Variants in UBR3 observed in about 807,000 individuals in gnomAD.
The protein encoded by UBR3 is E3 ubiquitin-protein ligase UBR3.
In UBR3, 85 loss-of-function variants were observed where a neutral mutation model predicts 243.2. The ratio of observed to expected loss-of-function variants is 0.35; its 90% CI spans 0.29 to 0.42. UBR3 has a LOEUF of 0.42. Among genes scored for constraint, UBR3 ranks in the 10% least tolerant of loss-of-function variants. The pLI is 1.00. For missense variants in UBR3, 1,686 were observed against 2,300.8 expected (o/e 0.73, Z 5.47); for synonymous variants, 748 against 799.8 (o/e 0.94, Z 1.09).
In UBR3 at chr2:170,007,109, T is replaced by G; in HGVS notation, c.4149T>G (p.Pro1383=). 1.9e-6 allele frequency: 3 copies of G among 1,613,806 alleles called. No individual in the cohort carries two copies. Among genetic ancestry groups the G allele is most frequent in the Non-Finnish European group, 2.5e-6 (3 of 1,179,950 alleles). The change falls in exon 28 of 39, where the codon CCT becomes CCG. Residue 1383 remains proline, a synonymous_variant. Transcript: ENST00000272793. ...CTGGAAGCAATGTGGAAAATAACCC[T>G]TGGCAACGTCCTAGCAACAAAAGCA... ...CYPGSNVENN[P]WQRPSNKSIQ... is the part of the protein sequence containing the mutation.
At chr2:169,970,130 A>G (rs1386050358) in intron 24 of UBR3, among the ~76,000 whole-genome samples, 1 of 151,540 alleles carries the variant, frequency 6.6e-6, no homozygotes, top group African/African-American at 2.4e-5. Flanking sequence ...AATCCATGAC[A>G]TGAGATGTCT....
intron 18 of UBR3, among the ~76,000 whole-genome samples, chr2:169,932,039 T>C (rs2086152252): frequency 6.6e-6 from 1 of 151,850 alleles, no homozygotes; most frequent in Admixed American, 6.6e-5. Flanking sequence ...CAAAAAAGAC[T>C]TATAAAGTGG....
intron 5 of UBR3, among the ~76,000 whole-genome samples, chr2:169,885,091 T>G (rs2084037726): frequency 6.6e-6 from 1 of 152,344 alleles, no homozygotes; most frequent in East Asian, 1.9e-4. Flanking sequence ...TATTTATATT[T>G]GAAATATAGT....
At position 169,827,573 on chromosome 2, in the gene UBR3, G is replaced by C; in HGVS notation, c.66G>C (p.Pro22=). Residue 22 remains proline (P), a synonymous_variant, in exon 1 of 39, where the codon CCG becomes CCC. Coordinates refer to ENST00000272793, the MANE Select transcript of UBR3 (RefSeq NM_172070.4). ...CGTCACAGCCCGAGCTGCCCGCGCC[G>C]GGGCTGGCCCTAGACAAGGCGGCCA... ...QQPSQPELPA[P]GLALDKAATA... is the part of the protein sequence containing the mutation. The C allele has an allele frequency of 3.2e-6, 4 of 1,235,178 alleles. No individual in the cohort carries two copies. The highest frequency in any genetic ancestry group is 3.2e-5 in the East Asian group (1 of 31,228). 76.5% of individuals were successfully genotyped at this position (1,235,178 alleles called of 1,614,324 possible). A position where few individuals can be genotyped will look rare whatever the true frequency, so the allele number is the denominator to read the frequency against.
intron 1 of UBR3, among the ~76,000 whole-genome samples, chr2:169,849,350 G>A (rs952038787): frequency 1.3e-5 from 2 of 152,210 alleles, no homozygotes; most frequent in African/African-American, 4.8e-5. Flanking sequence ...CTGGATGAAC[G>A]CCTCAAGGGG....
chr2:170,012,673 G>GTTTT (rs34266638), intron 29 of UBR3, among the ~76,000 whole-genome samples: 1 of 145,402 alleles, frequency 6.9e-6, no homozygotes. Flanking sequence ...GAAGATACTG[G>GTTTT]TTTTTTTTTT....
chr2:169,998,186 C>A (rs2089566675), intron 26 of UBR3, among the ~76,000 whole-genome samples: 1 of 152,084 alleles, frequency 6.6e-6, no homozygotes, highest in South Asian at 2.1e-4. Flanking sequence ...TGAATCCCAA[C>A]ACCAAATAGA....
chr2:169,950,009 T>G lies in UBR3; in HGVS notation c.3489T>G (p.Pro1163=). ...AGATATGTAGAAAAGTGACCCCTCC[T>G]GTACCACCTAAAAAAGTCACTGCAG... ...IEEICRKVTP[P]VPPKKVTAAE... is the part of the protein sequence containing the mutation. The change falls in exon 23 of 39, where the codon CCT becomes CCG. Residue 1163 remains proline, a synonymous_variant. Coordinates refer to ENST00000272793, the MANE Select transcript of UBR3 (RefSeq NM_172070.4). 1 of 1,596,998 alleles carries G rather than the reference T, an allele frequency of 6.3e-7. No homozygotes were observed. Among genetic ancestry groups the G allele is most frequent in the Non-Finnish European group, 8.5e-7 (1 of 1,174,424 alleles).
chr2:169,832,170 A>G lies in UBR3; in HGVS notation c.545+4118A>G, dbSNP rs139921700. On this transcript the variant is annotated intron_variant, in intron 1 of 38. Transcript: ENST00000272793. ...GTATTGATATAATCAATGTGGCAGT[A>G]TTAGCAGATATACAAACCAAAGGAA... 3.8e-3 allele frequency among the ~76,000 whole-genome samples: 584 copies of G among 152,370 alleles called. 5 individuals carry two copies. Among genetic ancestry groups the G allele is most frequent in the African/African-American group, 0.013 (547 of 41,594 alleles).
Position 169,934,521 on chromosome 2 carries a change from C to A in UBR3, c.2663+1513C>A, listed in dbSNP as rs73015768. 4.6e-3 allele frequency among the ~76,000 whole-genome samples: 698 copies of A among 152,302 alleles called. 1 individual carries two copies. Among genetic ancestry groups the A allele is most frequent in the African/African-American group, 0.015 (631 of 41,556 alleles). On this transcript the variant is annotated intron_variant, in intron 19 of 38. Coordinates refer to ENST00000272793, the MANE Select transcript of UBR3 (RefSeq NM_172070.4). The stretch of plus-strand genomic sequence containing the variant: ...AAAGTGTTGGGATTACACACATGAG[C>A]CACCGTGCCTGGCCGATTTGTTTGC...
chr2:169,885,422 A>G (rs1295621127), intron 5 of UBR3, among the ~76,000 whole-genome samples: 4 of 152,126 alleles, frequency 2.6e-5, no homozygotes, highest in African/African-American at 9.7e-5. Flanking sequence ...TTTCTACTAA[A>G]AATACAAAAT....
At chr2:169,969,244 C>T (rs1329325525) in intron 24 of UBR3, among the ~76,000 whole-genome samples, 1 of 151,990 alleles carries the variant, frequency 6.6e-6, no homozygotes, top group South Asian at 2.1e-4. Flanking sequence ...CTTTTGATGT[C>T]GTACACAAAA....
chr2:169,947,422 G>A, intron 21 of UBR3, 120 bp from the exon 22 acceptor site: 1 of 721,408 alleles, frequency 1.4e-6, no homozygotes, highest in Non-Finnish European at 2.0e-6. Flanking sequence ...TTGTGGATGA[G>A]ACAATAAGGG....
At chr2:169,993,676 T>C (rs923444524) in intron 25 of UBR3, among the ~76,000 whole-genome samples, 3 of 152,220 alleles carry the variant, frequency 2.0e-5, no homozygotes, top group Non-Finnish European at 4.4e-5. Flanking sequence ...CCAACTAAGT[T>C]TGATCCCTTG....
intron 22 of UBR3, 37 bp from the exon 23 acceptor site, chr2:169,949,568 C>A: frequency 6.8e-7 from 1 of 1,465,814 alleles, no homozygotes; most frequent in Non-Finnish European, 9.1e-7. Flanking sequence ...TAAATAACTT[C>A]TCTTGATTTT....
At chr2:169,836,057 A>ATTTT (rs1558998887) in intron 1 of UBR3, among the ~76,000 whole-genome samples, 1 of 41,850 alleles carries the variant, frequency 2.4e-5, no homozygotes, top group Non-Finnish European at 5.2e-5. Flanking sequence ...ATATATATAT[A>ATTTT]TATATATATA....
intron 26 of UBR3, among the ~76,000 whole-genome samples, chr2:170,000,868 A>G (rs544653817): frequency 6.6e-6 from 1 of 152,328 alleles, no homozygotes; most frequent in African/African-American, 2.4e-5. Flanking sequence ...AAAAACAGTT[A>G]AAGAGGCAGG....
chr2:169,979,981 A>G (rs2018759741), intron 24 of UBR3, among the ~76,000 whole-genome samples: 2 of 152,234 alleles, frequency 1.3e-5, no homozygotes, highest in South Asian at 4.1e-4. Context: ...CTTGTGATGT[A>G]TGAAACAACC....
At chr2:169,846,364 G>A (rs997313716) in intron 1 of UBR3, among the ~76,000 whole-genome samples, 12 of 151,800 alleles carry the variant, frequency 7.9e-5, no homozygotes, top group East Asian at 1.9e-4. Flanking sequence ...TATTAATGTC[G>A]TCACCCATAT....
Sources: gnomAD v4.1 joint callset for allele counts (sites outside exome capture counted in the v4.1 genomes callset) on GRCh38, gnomAD v4.1.1 for gene constraint, MANE v1.5 for transcripts, NCBI Gene and HGNC (gene_info 2026-07-23, HGNC 2026-07-21) for gene names.